ERC2: variants seen among roughly 807,000 people sequenced by gnomAD.
ERC2 encodes the protein ERC protein 2.
In ERC2, 42 loss-of-function variants were observed where a neutral mutation model predicts 114.8. The observed-to-expected ratio is 0.37, with a 90% confidence interval of 0.29 to 0.47. ERC2 has a LOEUF of 0.47. Among genes scored for constraint, ERC2 ranks in the 20% least tolerant of loss-of-function variants. The pLI is 0.99. For synonymous variants in ERC2, 454 were observed against 425.5 expected (o/e 1.07, Z -0.82); for missense variants, 939 against 1,150.7 (o/e 0.82, Z 2.66).
intron 3 of ERC2, among the ~76,000 whole-genome samples, chr3:56,250,368 A>G (rs769161557): frequency 1.3e-5 from 2 of 152,240 alleles, no homozygotes; most frequent in Non-Finnish European, 2.9e-5. Flanking sequence ...GAAAACTGCT[A>G]TTCAAACAGC....
At chr3:55,987,376 T>C (rs927832432) in intron 11 of ERC2, among the ~76,000 whole-genome samples, 1 of 152,232 alleles carries the variant, frequency 6.6e-6, no homozygotes, top group African/African-American at 2.4e-5. Context: ...TGTAGTTGCC[T>C]CTTTCAAGGG....
At position 56,435,164 on chromosome 3, in the gene ERC2, A is replaced by G. The variant is rs978583595; in HGVS notation, c.-140-17T>C. 12 of 615,140 alleles carry G rather than the reference A, an allele frequency of 2.0e-5. No homozygotes were observed. The highest frequency in any genetic ancestry group is 3.4e-5 in the Non-Finnish European group (12 of 356,794). The allele number at this position is 615,140 out of a possible 1,614,324, so 38.1% of individuals were successfully genotyped here. On this transcript the variant is annotated splice_polypyrimidine_tract_variant and intron_variant, in intron 1 of 17. Coordinates refer to ENST00000288221, the MANE Select transcript of ERC2 (RefSeq NM_015576.3). ...CTCAGAGATCTACAAAGTGAAAAAA[A>G]GAATAATTAAAAACAAATTTCTTTA...
chr3:55,610,941 G>T (rs1369961346), intron 17 of ERC2: 1 of 152,172 alleles, frequency 6.6e-6, no homozygotes, highest in African/African-American at 2.4e-5. Context: ...GGAACTTTAA[G>T]GTTATTGCTG....
chr3:55,994,374 A>G (rs1010957098), intron 10 of ERC2, among the ~76,000 whole-genome samples: 4 of 152,040 alleles, frequency 2.6e-5, no homozygotes, highest in Non-Finnish European at 5.9e-5. Context: ...TCTTATTATT[A>G]TAGTCCGTTT....
intron 14 of ERC2, among the ~76,000 whole-genome samples, chr3:55,793,490 T>G (rs555001166): frequency 2.1e-4 from 32 of 152,316 alleles, no homozygotes; most frequent in African/African-American, 7.2e-4. Flanking sequence ...TATTCAGTGC[T>G]ATAGGGAAGG....
chr3:55,850,818 C>T (rs1311420166), intron 14 of ERC2, among the ~76,000 whole-genome samples: 3 of 149,250 alleles, frequency 2.0e-5, no homozygotes, highest in African/African-American at 7.5e-5. Context: ...ACCTCCTGAC[C>T]ATCCTGTTTC....
At chr3:55,736,423 T>C (rs1045993856) in intron 14 of ERC2, among the ~76,000 whole-genome samples, 7 of 152,248 alleles carry the variant, frequency 4.6e-5, no homozygotes, top group Admixed American at 6.5e-5. Context: ...ACAGCTCTTA[T>C]CTTCCAGGTC....
At chr3:55,883,632 G>A (rs1327458832) in intron 14 of ERC2, among the ~76,000 whole-genome samples, 1 of 152,038 alleles carries the variant, frequency 6.6e-6, no homozygotes, top group African/African-American at 2.4e-5. Flanking sequence ...GCTCACACCT[G>A]TAAGCCCAGC....
At chr3:56,173,968 T>A (rs73078528) in intron 3 of ERC2, 1,633 of 159,534 alleles carry the variant, frequency 0.01, 19 homozygotes, top group Middle Eastern at 0.024. Context: ...AAATGAGCAG[T>A]TTAAAACCAT....
chr3:56,452,405 C>T (rs936140555), intron 1 of ERC2, among the ~76,000 whole-genome samples: 2 of 152,170 alleles, frequency 1.3e-5, no homozygotes, highest in Non-Finnish European at 2.9e-5. Context: ...GAATAGTCAG[C>T]ATCACATTCT....
chr3:56,061,025 A>G (rs979716743), intron 7 of ERC2, among the ~76,000 whole-genome samples: 1 of 152,164 alleles, frequency 6.6e-6, no homozygotes, highest in Non-Finnish European at 1.5e-5. Flanking sequence ...TGCCTGCTCA[A>G]TTCTTCCCAG....
At chr3:56,339,091 T>G (rs184293358) in intron 2 of ERC2, among the ~76,000 whole-genome samples, 1 of 152,284 alleles carries the variant, frequency 6.6e-6, no homozygotes, top group African/African-American at 2.4e-5. Context: ...CCCTCCCAGC[T>G]ATGGGAGACA....
chr3:56,277,622 C>T (rs1329182502), intron 3 of ERC2, among the ~76,000 whole-genome samples: 2 of 152,158 alleles, frequency 1.3e-5, no homozygotes, highest in East Asian at 1.9e-4. Flanking sequence ...CTTAATTCTA[C>T]CTTATGAACA....
intron 10 of ERC2, among the ~76,000 whole-genome samples, chr3:55,993,584 G>T (rs1325879282): frequency 1.3e-5 from 2 of 151,584 alleles, no homozygotes; most frequent in Non-Finnish European, 2.9e-5. Context: ...ATTTTTGCAT[G>T]TAACATATTA....
At position 55,937,752 on chromosome 3, in the gene ERC2, T is replaced by C. The variant is rs1397816874; in HGVS notation, c.2403+12673A>G. Among the ~76,000 whole-genome samples, 5 of 152,372 alleles carry C rather than the reference T, an allele frequency of 3.3e-5. No individual in the cohort carries two copies. The East Asian group carries it at 9.6e-4, about 29-fold the overall frequency. ...GTAGACATCTTGATTATTTTATCTA[T>C]ATCTCTGTAAGTTTCTATATTGAAA... On this transcript the variant is annotated intron_variant, in intron 13 of 17. Transcript: ENST00000288221.
intron 13 of ERC2, among the ~76,000 whole-genome samples, chr3:55,895,642 C>T (rs1192893296): frequency 2.0e-5 from 3 of 152,124 alleles, no homozygotes; most frequent in Non-Finnish European, 4.4e-5. Context: ...ACTGTGTCTC[C>T]ATCTTCTTTG....
chr3:55,546,451 A>C (rs779557459), intron 17 of ERC2, among the ~76,000 whole-genome samples: 1 of 152,132 alleles, frequency 6.6e-6, no homozygotes, highest in Non-Finnish European at 1.5e-5. Flanking sequence ...TCATTTTCTG[A>C]CATGCAGCCT....
At chr3:55,839,362 C>T (rs888140069) in intron 14 of ERC2, among the ~76,000 whole-genome samples, 1 of 151,602 alleles carries the variant, frequency 6.6e-6, no homozygotes, top group Admixed American at 6.6e-5. Flanking sequence ...GAATGTAATA[C>T]CAAACGGATA....
At chr3:56,077,688 C>T (rs2077038349) in intron 7 of ERC2, among the ~76,000 whole-genome samples, 1 of 152,158 alleles carries the variant, frequency 6.6e-6, no homozygotes, top group African/African-American at 2.4e-5. Context: ...CCCTAATTCA[C>T]TCTCACACCT....
Sources: gnomAD v4.1 joint callset for allele counts (sites outside exome capture counted in the v4.1 genomes callset) on GRCh38, gnomAD v4.1.1 for gene constraint, MANE v1.5 for transcripts, NCBI Gene and HGNC (gene_info 2026-07-23, HGNC 2026-07-21) for gene names.